SLC1A5: variants seen among roughly 807,000 people sequenced by gnomAD.
SLC1A5 encodes solute carrier family 1 member 5, also known as neutral amino acid transporter B(0).
Under a neutral mutation model 34.9 loss-of-function variants are expected in SLC1A5, and 25 were observed. The observed-to-expected ratio is 0.72, with a 90% CI of 0.52 to 1.00. The LOEUF is 1.00. Among genes scored for constraint, SLC1A5 ranks in the 50% least tolerant of loss-of-function variants. The probability of loss-of-function intolerance (pLI) is 0.00; values close to 1 mark genes in which losing one functional copy is unlikely to be tolerated. For synonymous variants in SLC1A5, 351 were observed against 341.2 expected (o/e 1.03, Z -0.32); for missense variants, 637 against 740.0 (o/e 0.86, Z 1.61).
chr19:46,778,568 G>T (rs999890971), intron 5 of SLC1A5, 107 bp downstream of exon 5: 6 of 742,764 alleles, frequency 8.1e-6, no homozygotes, highest in Non-Finnish European at 1.4e-5. Context: ...ATCTCCTGAA[G>T]TATGGCCCCT....
chr19:46,776,157 AT>A (rs1211367424), intron 7 of SLC1A5, among the ~76,000 whole-genome samples: 1 of 151,492 alleles, frequency 6.6e-6, no homozygotes. Flanking sequence ...TTTTTAGTAT[AT>A]TCAGACTTGT....
intron 2 of SLC1A5, 147 bp from the exon 3 acceptor site, chr19:46,784,291 A>T (rs2055170435): frequency 1.3e-6 from 1 of 789,526 alleles, no homozygotes; most frequent in Admixed American, 2.5e-5. Flanking sequence ...GGGCAGGATG[A>T]TCAATACCCC....
chr19:46,788,090 G>C lies in SLC1A5; in HGVS notation c.-125C>G. The stretch of plus-strand genomic sequence containing the variant: ...CACCTGGAGACTGGAACTTTGGAGG[G>C]CTCCTTAGAGTTGTGAGTTCACAGC... On this transcript the variant is annotated 5_prime_UTR_variant, in exon 1 of 8. Coordinates refer to ENST00000542575, the MANE Select transcript of SLC1A5 (RefSeq NM_005628.3). 2.3e-6 allele frequency: 2 copies of C among 860,448 alleles called. No individual in the cohort carries two copies. Among genetic ancestry groups the C allele is most frequent in the South Asian group, 3.7e-5 (2 of 54,340 alleles). 53.3% of individuals were successfully genotyped at this position (860,448 alleles called of 1,614,324 possible).
chr19:46,782,645 A>G (rs923154533), intron 3 of SLC1A5, 96 bp from the exon 4 acceptor site: 4 of 1,449,742 alleles, frequency 2.8e-6, no homozygotes, highest in African/African-American at 2.8e-5. Flanking sequence ...CCCAGCAGAG[A>G]CAAGGCAGCC....
chr19:46,777,109 C>G lies in SLC1A5; in HGVS notation c.1254G>C (p.Leu418=), dbSNP rs2040965375. 6.2e-7 allele frequency: 1 copy of G among 1,613,442 alleles called. No individual in the cohort carries two copies. The highest frequency in any genetic ancestry group is 8.5e-7 in the Non-Finnish European group (1 of 1,179,780). ...CCACGCTGGACGCTGTGGCCGTGAC[C>G]CTGAGGGAGAAGGTGGGAGGTTAGG... ...SLDFVKIITI[L]VTATASSVGA... The change falls in exon 7 of 8, where the codon CTG becomes CTC. Residue 418 remains leucine, a splice_region_variant and synonymous_variant. Transcript: ENST00000542575.
chr19:46,779,424 CAAAAAA>C (rs761721702), intron 4 of SLC1A5, among the ~76,000 whole-genome samples: 16 of 64,556 alleles, frequency 2.5e-4, no homozygotes, highest in Non-Finnish European at 4.1e-4. Context: ...AACTCCATCT[CAAAAAA>C]AAAAAAAAAA....
At position 46,778,695 on chromosome 19, in the gene SLC1A5, A is replaced by G. The variant is rs752244978; in HGVS notation, c.1038T>C (p.Thr346=). The change falls in exon 5 of 8, where the codon ACT becomes ACC. Residue 346 remains threonine (T), a synonymous_variant. Coordinates refer to ENST00000542575, the MANE Select transcript of SLC1A5 (RefSeq NM_005628.3). The part of the protein sequence containing the change: ...FLWGIVTPLA[T]AFGTSSSSAT... The stretch of plus-strand genomic sequence containing the variant: ...CGTACCTGGAAGAGGTCCCAAAGGC[A>G]GTGGCCAGCGGCGTCACGATGCCCC... 1.4e-6 allele frequency: 2 copies of G among 1,426,998 alleles called. No homozygotes were observed. Among genetic ancestry groups the G allele is most frequent in the East Asian group, 7.1e-5 (2 of 28,138 alleles). The allele number at this position is 1,426,998 out of a possible 1,614,324, so 88.4% of individuals were successfully genotyped here. A position where few individuals can be genotyped will look rare whatever the true frequency, so the allele number is the denominator to read the frequency against.
At chr19:46,783,912 G>C (rs313852) in intron 3 of SLC1A5, among the ~76,000 whole-genome samples, 185 bp downstream of exon 3, 1 of 151,526 alleles carries the variant, frequency 6.6e-6, no homozygotes, top group Non-Finnish European at 1.5e-5. Context: ...AAGAGCCTGG[G>C]CACCTGGGGT....
chr19:46,779,424 C>CAAAA (rs761721702), intron 4 of SLC1A5, among the ~76,000 whole-genome samples: 1 of 64,532 alleles, frequency 1.5e-5, no homozygotes, highest in African/African-American at 5.2e-5. Flanking sequence ...AACTCCATCT[C>CAAAA]AAAAAAAAAA....
At position 46,775,606 on chromosome 19, in the gene SLC1A5, C is replaced by A. The variant is rs1317408463; in HGVS notation, c.1530G>T (p.Leu510=). 3 of 1,614,136 alleles carry A rather than the reference C, an allele frequency of 1.9e-6. No individual in the cohort carries two copies. The Admixed American group carries it at 5.0e-5, about 27-fold the overall frequency. The change falls in exon 8 of 8, where the codon CTG becomes CTT. Residue 510 remains leucine (L), a synonymous_variant. Coordinates refer to ENST00000542575, the MANE Select transcript of SLC1A5 (RefSeq NM_005628.3). ...GGTTTCCTTCCTCAGTGGGGACTGG[C>A]AGCGGATCCAGGGGCAGCTCACTCT... is the stretch of plus-strand genomic sequence containing the variant. The part of the protein sequence containing the change: ...QVKSELPLDP[L]PVPTEEGNPL...
chr19:46,781,443 A>G (rs1260254945), intron 4 of SLC1A5, among the ~76,000 whole-genome samples: 1 of 152,182 alleles, frequency 6.6e-6, no homozygotes, highest in Non-Finnish European at 1.5e-5. Context: ...TACTAAAAAT[A>G]CAAAATTAGC....
At position 46,787,092 on chromosome 19, in the gene SLC1A5, C is replaced by T. The variant is rs1403402522; in HGVS notation, c.566+308G>A. ...AAAGATTCCCCCCGCAAAAGTTCCTCCTGGGGTCCCCTCCCCTCAGTGTCT... is the reference window on the plus strand; with the variant it reads ...AAAGATTCCCCCCGCAAAAGTTCCTTCTGGGGTCCCCTCCCCTCAGTGTCT... On this transcript the variant is annotated intron_variant, in intron 1 of 7. Transcript: ENST00000542575. This position sits in a 1 kb window ranked among gnomAD's most constrained non-coding sequence, Gnocchi z 5.2. 1.9e-6 allele frequency: 1 copy of T among 531,442 alleles called. No homozygotes were observed. Among genetic ancestry groups the T allele is most frequent in the African/African-American group, 2.0e-5 (1 of 49,984 alleles). 32.9% of individuals were successfully genotyped at this position (531,442 alleles called of 1,614,324 possible). A position where few individuals can be genotyped will look rare whatever the true frequency, so the allele number is the denominator to read the frequency against.
Position 46,784,551 on chromosome 19 carries a change from A to C in SLC1A5, c.575T>G (p.Phe192Cys). 1 of 1,614,108 alleles carries C rather than the reference A, an allele frequency of 6.2e-7. No individual in the cohort carries two copies. ...DSFLDLARNIFPSNLVSAAFR... is the reference protein window; with the variant it reads ...DSFLDLARNICPSNLVSAAFR... ...GGCTGCTGACACCAGGTTGGAAGGG[A>C]AGATATTTCTGCAGAGACAGACACA... The change falls in exon 2 of 8, where the codon TTC (phenylalanine) becomes TGC (cysteine). Residue 192 changes from phenylalanine to cysteine, a missense_variant. Phe to Cys is a radical substitution (Grantham distance 205). Coordinates refer to ENST00000542575, the MANE Select transcript of SLC1A5 (RefSeq NM_005628.3).
rs1006517655 is a variant in SLC1A5, at chr19:46,777,330, G to A, written c.1134C>T (p.Ile378=). 2 of 1,613,672 alleles carry A rather than the reference G, an allele frequency of 1.2e-6. No homozygotes were observed. The highest frequency in any genetic ancestry group is 1.7e-6 in the Non-Finnish European group (2 of 1,179,984). The change falls in exon 6 of 8, where the codon ATC becomes ATT. Residue 378 remains isoleucine (I), a synonymous_variant. Transcript: ENST00000542575. ...TGTTGACGGTGGCGCCGATGGGCAGGATGAAACGGCTGATGTGCTTGGCCA... is the reference window on the plus strand; with the variant it reads ...TGTTGACGGTGGCGCCGATGGGCAGAATGAAACGGCTGATGTGCTTGGCCA... ...NGVAKHISRF[I]LPIGATVNMD... is the part of the protein sequence containing the mutation.
chr19:46,785,099 G>GA lies in SLC1A5; in HGVS notation c.567-541_567-540insT, dbSNP rs1175839911. 3.9e-5 allele frequency among the ~76,000 whole-genome samples: 6 copies of GA among 152,184 alleles called. No homozygotes were observed. In the East Asian group the frequency reaches 1.2e-3, roughly 30 times the overall value. On this transcript the variant is annotated intron_variant, in intron 1 of 7. Coordinates refer to ENST00000542575, the MANE Select transcript of SLC1A5 (RefSeq NM_005628.3). Reference sequence around the variant, plus strand: ...GCCTTAAGATGAAAATAGTAGCTAAGGCCAAGGCGCCATGGCTCTTGCCTG... The same window carrying GA: ...GCCTTAAGATGAAAATAGTAGCTAAGAGCCAAGGCGCCATGGCTCTTGCCTG...
At position 46,782,502 on chromosome 19, in the gene SLC1A5, T is replaced by A. The variant is rs1435421025; in HGVS notation, c.705A>T (p.Val235=). 6.2e-7 allele frequency: 1 copy of A among 1,613,978 alleles called. No individual in the cohort carries two copies. The highest frequency in any genetic ancestry group is 8.5e-7 in the Non-Finnish European group (1 of 1,179,984). The part of the protein sequence containing the change: ...EVEGMNILGL[V]VFAIVFGVAL... ...CCACACCAAAGACGATGGCAAACAC[T>A]ACCAAGCCCAGGATGTTCATCCCCT... The change falls in exon 4 of 8, where the codon GTA becomes GTT. Residue 235 remains valine, a synonymous_variant. Transcript: ENST00000542575.
rs1345355591 is a variant in SLC1A5 at position 46,787,725 on chromosome 19, A to G, written c.241T>C (p.Leu81=). ...AAGGCGCTCAAGCGCTCCGGGCCCA[A>G]CGCCAGCGCACCCCCGGCCCCCGAC... ...GVSGAGGALA[L]GPERLSAFVF... The change falls in exon 1 of 8, where the codon TTG becomes CTG. Residue 81 remains leucine (L), a synonymous_variant. Coordinates refer to ENST00000542575, the MANE Select transcript of SLC1A5 (RefSeq NM_005628.3). This position sits in a 1 kb window ranked among gnomAD's most constrained non-coding sequence, Gnocchi z 5.2. The G allele has an allele frequency of 1.9e-6, 3 of 1,566,968 alleles. No individual in the cohort carries two copies. Among genetic ancestry groups the G allele is most frequent in the Admixed American group, 3.7e-5 (2 of 54,406 alleles).
chr19:46,781,437 A>G (rs2055145375), intron 4 of SLC1A5, among the ~76,000 whole-genome samples: 1 of 152,168 alleles, frequency 6.6e-6, no homozygotes, highest in Admixed American at 6.5e-5. Flanking sequence ...CGTCTCTACT[A>G]AAAATACAAA....
In SLC1A5 at chr19:46,775,742, C is replaced by CGGTCGCTAAA; in HGVS notation, c.1389-5_1393dup (p.Arg465LeufsTer2). On this transcript the variant is annotated stop_gained and frameshift_variant, in exon 8 of 8. Transcript: ENST00000542575. LOFTEE classifies it low-confidence loss of function (END_TRUNC). Reference sequence around the variant, plus strand: ...TTCTACATTGAGGACGGTACAGGACCGGTCGCTAAAGGGGTAGAAATGACA... The same window carrying CGGTCGCTAAA: ...TTCTACATTGAGGACGGTACAGGACCGGTCGCTAAAGGTCGCTAAAGGGGTAGAAATGACA... 6.2e-7 allele frequency: 1 copy of CGGTCGCTAAA among 1,612,594 alleles called. No homozygotes were observed. Among genetic ancestry groups the CGGTCGCTAAA allele is most frequent in the Non-Finnish European group, 8.5e-7 (1 of 1,179,202 alleles).
Sources: gnomAD v4.1 joint callset for allele counts (sites outside exome capture counted in the v4.1 genomes callset) on GRCh38, gnomAD v4.1.1 for gene constraint, Gnocchi (gnomAD v3.1) non-coding constraint, MANE v1.5 for transcripts, NCBI Gene and HGNC (gene_info 2026-07-23, HGNC 2026-07-21) for gene names.